Variants in BAALC observed in about 807,000 individuals in gnomAD.
BAALC encodes the protein BAALC binder of MAP3K1 and KLF4.
In BAALC, 9 loss-of-function variants were observed where a neutral mutation model predicts 15.5. The observed-to-expected ratio is 0.58, with a 90% CI of 0.35 to 1.02. The LOEUF is 1.02. Among genes scored for constraint, BAALC ranks in the 50% least tolerant of loss-of-function variants. The pLI, the probability that BAALC is intolerant of heterozygous loss-of-function variation, is 0.02. For synonymous variants in BAALC, 80 were observed against 74.6 expected, an observed-to-expected ratio of 1.07 and a Z score of -0.37; for missense variants, 201 against 192.4, an observed-to-expected ratio of 1.04 and a Z score of -0.27.
At chr8:103,168,403 T>C (rs1013750667) in intron 1 of BAALC, among the ~76,000 whole-genome samples, 1 of 152,150 alleles carries the variant, frequency 6.6e-6, no homozygotes, top group Non-Finnish European at 1.5e-5. Flanking sequence ...GTTAGATCAG[T>C]GTTCTTTGTT....
intron 2 of BAALC, among the ~76,000 whole-genome samples, chr8:103,214,065 G>T (rs1201599496): frequency 1.3e-5 from 2 of 152,178 alleles, no homozygotes; most frequent in African/African-American, 4.8e-5. Context: ...TGGCAGTGGG[G>T]GAAAGTGAGA....
intron 1 of BAALC, among the ~76,000 whole-genome samples, chr8:103,157,850 T>C (rs1479666123): frequency 2.6e-5 from 4 of 152,200 alleles, no homozygotes; most frequent in African/African-American, 9.6e-5. Context: ...GATTGGACTA[T>C]ATTAAATTGT....
At chr8:103,174,655 T>G (rs995248809) in intron 1 of BAALC, among the ~76,000 whole-genome samples, 1 of 152,180 alleles carries the variant, frequency 6.6e-6, no homozygotes, top group Admixed American at 6.5e-5. Flanking sequence ...TTTTTTAGAC[T>G]CACTCCAAGA....
chr8:103,161,839 CACTT>C (rs1448956793), intron 1 of BAALC, among the ~76,000 whole-genome samples: 1 of 152,138 alleles, frequency 6.6e-6, no homozygotes, highest in Non-Finnish European at 1.5e-5. Context: ...AATTGTAGCT[CACTT>C]AGTTTTAGTG....
At chr8:103,141,891 T>A (rs950555490) in intron 1 of BAALC, among the ~76,000 whole-genome samples, 24 of 152,378 alleles carry the variant, frequency 1.6e-4, no homozygotes, top group African/African-American at 5.3e-4. Flanking sequence ...ATTTTATTTT[T>A]TTATTTTTTA....
intron 2 of BAALC, among the ~76,000 whole-genome samples, chr8:103,223,181 G>C (rs1047185291): frequency 6.6e-6 from 1 of 152,038 alleles, no homozygotes; most frequent in Non-Finnish European, 1.5e-5. Flanking sequence ...TGTGGTGCAC[G>C]CCTGTAGTCC....
intron 1 of BAALC, among the ~76,000 whole-genome samples, chr8:103,176,850 A>G (rs1337573047): frequency 6.6e-6 from 1 of 152,180 alleles, no homozygotes; most frequent in Non-Finnish European, 1.5e-5. Context: ...AGAACTGTGA[A>G]TAGAAAACTT....
At chr8:103,227,682 A>G (rs1291050453) in intron 2 of BAALC, among the ~76,000 whole-genome samples, 2 of 152,184 alleles carry the variant, frequency 1.3e-5, no homozygotes, top group Non-Finnish European at 2.9e-5. Context: ...CACACATAAA[A>G]TGTGGATTCA....
chr8:103,188,621 A>G (rs1462693289), intron 1 of BAALC, among the ~76,000 whole-genome samples: 1 of 152,224 alleles, frequency 6.6e-6, no homozygotes, highest in African/African-American at 2.4e-5. Flanking sequence ...GGGCTCAGAA[A>G]TGTAGAGATT....
At position 103,189,581 on chromosome 8, in the gene BAALC, T is replaced by C. The variant is rs557413012; in HGVS notation, c.161-23338T>C. On this transcript the variant is annotated intron_variant, in intron 1 of 2. Transcript: ENST00000309982. ...TAAGCTGTGTGACACTGACTGCAGATGGCAGGCATCAGCAAGCAAGGCACT... is the reference window on the plus strand; with the variant it reads ...TAAGCTGTGTGACACTGACTGCAGACGGCAGGCATCAGCAAGCAAGGCACT... Among the ~76,000 whole-genome samples, 12 of 152,308 alleles carry C rather than the reference T, an allele frequency of 7.9e-5. No individual in the cohort carries two copies. In the East Asian group the frequency reaches 2.3e-3, roughly 29 times the overall value.
intron 1 of BAALC, among the ~76,000 whole-genome samples, chr8:103,211,383 G>T: frequency 6.6e-6 from 1 of 152,194 alleles, no homozygotes; most frequent in East Asian, 1.9e-4. Context: ...TCTATTGAGG[G>T]TTTTTTCTTT....
chr8:103,153,236 T>A (rs955263248), intron 1 of BAALC: 1 of 152,134 alleles, frequency 6.6e-6, no homozygotes, highest in African/African-American at 2.4e-5. Flanking sequence ...AGCAGAGTGG[T>A]CACTTCTTTC....
chr8:103,190,730 C>T (rs892378878), intron 1 of BAALC, among the ~76,000 whole-genome samples: 5 of 152,178 alleles, frequency 3.3e-5, no homozygotes, highest in Admixed American at 3.3e-4. Context: ...TCATTGATTT[C>T]CATTTTCAAC....
At chr8:103,217,802 T>C (rs1481869758) in intron 2 of BAALC, among the ~76,000 whole-genome samples, 1 of 152,216 alleles carries the variant, frequency 6.6e-6, no homozygotes, top group Non-Finnish European at 1.5e-5. Context: ...TCAGTTCCTA[T>C]AACTACTCTT....
At chr8:103,174,022 G>A (rs951172775) in intron 1 of BAALC, among the ~76,000 whole-genome samples, 1 of 152,212 alleles carries the variant, frequency 6.6e-6, no homozygotes, top group Non-Finnish European at 1.5e-5. Flanking sequence ...GAGAAAGGTT[G>A]TCCTTGTAGA....
At chr8:103,193,291 C>A (rs543965629) in intron 1 of BAALC, among the ~76,000 whole-genome samples, 230 of 152,350 alleles carry the variant, frequency 1.5e-3, no homozygotes, top group African/African-American at 5.3e-3. Flanking sequence ...TTCAGCTCAA[C>A]CTCTGATCTC....
At chr8:103,226,441 G>C (rs1313795749) in intron 2 of BAALC, among the ~76,000 whole-genome samples, 1 of 152,214 alleles carries the variant, frequency 6.6e-6, no homozygotes, top group African/African-American at 2.4e-5. Flanking sequence ...GAGGCTACTT[G>C]CTGACTGTTC....
At chr8:103,201,862 A>G (rs1239617310) in intron 1 of BAALC, among the ~76,000 whole-genome samples, 2 of 152,224 alleles carry the variant, frequency 1.3e-5, no homozygotes, top group African/African-American at 2.4e-5. Context: ...GTGACAAAGG[A>G]AAGAATAAAT....
At chr8:103,205,074 T>C (rs1812298512) in intron 1 of BAALC, among the ~76,000 whole-genome samples, 1 of 152,196 alleles carries the variant, frequency 6.6e-6, no homozygotes, top group Non-Finnish European at 1.5e-5. Context: ...TTTTCTGTCA[T>C]TGAGGAGAAT....
Sources: gnomAD v4.1 joint callset for allele counts (sites outside exome capture counted in the v4.1 genomes callset) on GRCh38, gnomAD v4.1.1 for gene constraint, MANE v1.5 for transcripts, NCBI Gene and HGNC (gene_info 2026-07-23, HGNC 2026-07-21) for gene names.